The following SNW1 variants were observed in gnomAD, a reference collection of about 807,000 sequenced individuals.
The protein encoded by SNW1 is SNW domain containing 1.
Under a neutral mutation model 75.6 loss-of-function variants are expected in SNW1, and 9 were observed. The ratio of observed to expected loss-of-function variants is 0.12; its 90% CI spans 0.07 to 0.21. The LOEUF is 0.21. Among genes scored for constraint, SNW1 ranks in the 10% least tolerant of loss-of-function variants. The pLI is 1.00. For synonymous variants in SNW1, 200 were observed against 219.1 expected, an observed-to-expected ratio of 0.91 and a Z score of 0.77; for missense variants, 409 against 670.9, an observed-to-expected ratio of 0.61 and a Z score of 4.31.
At chr14:77,731,624 G>A (rs1421047115) in intron 9 of SNW1, among the ~76,000 whole-genome samples, 3 of 152,176 alleles carry the variant, frequency 2.0e-5, no homozygotes. Context: ...ACATCTGCTA[G>A]ATAATTTTTA....
Position 77,736,017 on chromosome 14 carries a change from A to T in SNW1, c.639-11T>A, listed in dbSNP as rs756586744. On this transcript the variant is annotated splice_polypyrimidine_tract_variant and intron_variant, in intron 6 of 13. Coordinates refer to ENST00000261531, the MANE Select transcript of SNW1 (RefSeq NM_012245.3). ...ATTTTCTTATTAATCCTGAAGTATA[A>T]AAACACAACCAGAGAGTGATATAGT... 1 of 1,602,414 alleles carries T rather than the reference A, an allele frequency of 6.2e-7. No homozygotes were observed. Among genetic ancestry groups the T allele is most frequent in the East Asian group, 2.2e-5 (1 of 44,796 alleles).
chr14:77,720,467 C>T (rs1427280514), intron 12 of SNW1: 1 of 701,518 alleles, frequency 1.4e-6, no homozygotes, highest in Admixed American at 2.0e-5. Context: ...AAAAGGTTGA[C>T]ATACCACAAC....
intron 1 of SNW1, among the ~76,000 whole-genome samples, chr14:77,755,647 C>T (rs767679612): frequency 6.6e-6 from 1 of 151,184 alleles, no homozygotes; most frequent in Non-Finnish European, 1.5e-5. Context: ...TTGAACTTGA[C>T]CTCAAGTGAT....
At chr14:77,760,894 C>T (rs1191217680) in intron 1 of SNW1, 2 of 1,012,576 alleles carry the variant, frequency 2.0e-6, no homozygotes, top group Non-Finnish European at 3.0e-6. Flanking sequence ...AGCTTTCGGC[C>T]TCGGTGAGCG....
chr14:77,739,042 G>A lies in SNW1; in HGVS notation c.350C>T (p.Thr117Ile), dbSNP rs868708655. 1 of 1,613,330 alleles carries A rather than the reference G, an allele frequency of 6.2e-7. No individual in the cohort carries two copies. The highest frequency in any genetic ancestry group is 1.3e-5 in the African/African-American group (1 of 75,016). The stretch of plus-strand genomic sequence containing the variant: ...CATAACCTCCTTTGGAACCAGGTCA[G>A]TGTATTTGCTATAAATGACCTAAAA... ...SKDKVIYSKY[T>I]DLVPKEVMNA... The change falls in exon 4 of 14, where the codon ACT (threonine) becomes ATT (isoleucine). Residue 117 changes from threonine (T) to isoleucine (I), a missense_variant. Thr to Ile is a moderately conservative substitution (Grantham distance 89). Transcript: ENST00000261531.
Position 77,720,717 on chromosome 14 carries a change from T to C in SNW1, c.1242A>G (p.Gln414=), listed in dbSNP as rs754472879. 6.2e-7 allele frequency: 1 copy of C among 1,602,236 alleles called. No individual in the cohort carries two copies. Among genetic ancestry groups the C allele is most frequent in the East Asian group, 2.2e-5 (1 of 44,806 alleles). Residue 414 remains glutamine, a synonymous_variant, in exon 12 of 14, where the codon CAA becomes CAG. Transcript: ENST00000261531. ...EVQYDQRLFN[Q]SKGMDSGFAG... ...GCTGTTCCTAAACTTGTACCTTGGA[T>C]TGGTTGAAGAGCCTTTGGTCATACT...
intron 12 of SNW1, among the ~76,000 whole-genome samples, chr14:77,719,648 A>AG (rs2080522241): frequency 4.3e-5 from 2 of 46,420 alleles, no homozygotes; most frequent in Non-Finnish European, 8.9e-5. Context: ...ATCAGAAAAC[A>AG]AAAACAAACA....
Position 77,722,610 on chromosome 14 carries a change from C to A in SNW1, c.1130+571G>T, listed in dbSNP as rs1325826429. Reference sequence around the variant, plus strand: ...CTTTTCAAAAATCTGATCTCGATTCCGTTTTCTATATTCCCATCATTCTCA... The same window carrying A: ...CTTTTCAAAAATCTGATCTCGATTCAGTTTTCTATATTCCCATCATTCTCA... On this transcript the variant is annotated intron_variant, in intron 11 of 13. Transcript: ENST00000261531. The A allele has an allele frequency of 5.1e-5, 20 of 392,160 alleles. 1 individual carries two copies. The highest frequency in any genetic ancestry group is 3.5e-4 in the South Asian group (19 of 53,846). The allele number at this position is 392,160 out of a possible 1,614,324, so 24.3% of individuals were successfully genotyped here. A position where few individuals can be genotyped will look rare whatever the true frequency, so the allele number is the denominator to read the frequency against.
intron 1 of SNW1, among the ~76,000 whole-genome samples, chr14:77,756,737 G>GCACA (rs1184456655): frequency 6.6e-6 from 1 of 152,116 alleles, no homozygotes; most frequent in African/African-American, 2.4e-5. Flanking sequence ...TACAAAATTA[G>GCACA]CCAGGCGTGC....
intron 1 of SNW1, among the ~76,000 whole-genome samples, chr14:77,756,687 C>T (rs981110692): frequency 1.3e-5 from 2 of 152,058 alleles, no homozygotes; most frequent in African/African-American, 2.4e-5. Flanking sequence ...AGATCAAGAC[C>T]GGCCTGATCA....
chr14:77,740,153 AAAAAAGAG>A (rs1318281091), intron 3 of SNW1, among the ~76,000 whole-genome samples: 7 of 89,770 alleles, frequency 7.8e-5, no homozygotes, highest in African/African-American at 2.8e-4. Context: ...AAAAAAAAAA[AAAAAAGAG>A]AGAGATACAG....
Position 77,717,846 on chromosome 14 carries a change from G to C in SNW1, c.*242C>G, listed in dbSNP as rs146190754. On this transcript the variant is annotated 3_prime_UTR_variant, in exon 14 of 14. Transcript: ENST00000261531. The stretch of plus-strand genomic sequence containing the variant: ...AAGTGGTCTTGACTTTGTATGTGGG[G>C]CAGCATGTTCTATAAATGCTGAAAG... 1.8e-6 allele frequency: 1 copy of C among 556,266 alleles called. No homozygotes were observed. Among genetic ancestry groups the C allele is most frequent in the Admixed American group, 3.4e-5 (1 of 29,326 alleles). The allele number at this position is 556,266 out of a possible 1,614,324, so 34.5% of individuals were successfully genotyped here.
chr14:77,734,849 C>A (rs1165008581), intron 8 of SNW1, 98 bp downstream of exon 8: 4 of 775,648 alleles, frequency 5.2e-6, no homozygotes, highest in Non-Finnish European at 8.6e-6. Flanking sequence ...TCAGTTAAAC[C>A]ACGTGTTGTT....
At chr14:77,736,627 T>G (rs1482593308) in intron 6 of SNW1, among the ~76,000 whole-genome samples, 1 of 152,186 alleles carries the variant, frequency 6.6e-6, no homozygotes, top group Non-Finnish European at 1.5e-5. Flanking sequence ...TAGCTATACA[T>G]ATTTAAAGCA....
intron 3 of SNW1, among the ~76,000 whole-genome samples, chr14:77,748,557 G>A (rs1355997063): frequency 6.6e-6 from 1 of 151,804 alleles, no homozygotes; most frequent in Admixed American, 6.6e-5. Context: ...ATATACTTAT[G>A]GTATCTTTTA....
At chr14:77,722,618 A>G in intron 11 of SNW1, 2 of 388,694 alleles carry the variant, frequency 5.1e-6, no homozygotes, top group South Asian at 1.9e-5. Context: ...TCCGTTTTCT[A>G]TATTCCCATC....
intron 2 of SNW1, 58 bp downstream of exon 2, chr14:77,754,909 T>C: frequency 7.2e-7 from 1 of 1,388,956 alleles, no homozygotes; most frequent in Non-Finnish European, 9.8e-7. Flanking sequence ...TATGTTATAG[T>C]GTGCTATAAT....
At chr14:77,735,618 G>A (rs1291570364) in intron 7 of SNW1, among the ~76,000 whole-genome samples, 1 of 152,094 alleles carries the variant, frequency 6.6e-6, no homozygotes, top group Non-Finnish European at 1.5e-5. Context: ...TTGTTCTTTT[G>A]ATTAACAAAA....
intron 6 of SNW1, 86 bp from the exon 7 acceptor site, chr14:77,736,092 A>T (rs1459341653): frequency 4.3e-6 from 4 of 929,098 alleles, no homozygotes; most frequent in Non-Finnish European, 6.7e-6. Flanking sequence ...TTTCTTGCAT[A>T]AAAGTTTCAA....
Sources: gnomAD v4.1 joint callset for allele counts (sites outside exome capture counted in the v4.1 genomes callset) on GRCh38, gnomAD v4.1.1 for gene constraint, MANE v1.5 for transcripts, NCBI Gene and HGNC (gene_info 2026-07-23, HGNC 2026-07-21) for gene names.